Variants in BMP7 observed in about 807,000 individuals in gnomAD.
BMP7 encodes the protein osteogenic protein 1.
BMP7 carries 12 observed loss-of-function variants against 41.2 expected under a neutral mutation model. The observed-to-expected ratio is 0.29, with a 90% CI of 0.19 to 0.47. BMP7 has a LOEUF of 0.47. BMP7 is among the 20% of genes least tolerant of loss of function. BMP7 has a pLI of 0.99. For synonymous variants in BMP7, 248 were observed against 250.0 expected (o/e 0.99, Z 0.07); for missense variants, 467 against 606.0 (o/e 0.77, Z 2.41).
intron 2 of BMP7, among the ~76,000 whole-genome samples, chr20:57,220,314 G>C (rs1311880888): frequency 1.3e-5 from 2 of 152,172 alleles, no homozygotes; most frequent in African/African-American, 2.4e-5. Flanking sequence ...TTCCTGGTAA[G>C]CCTGTATTCC....
rs1215278811 is a variant in BMP7, at chr20:57,246,850, A to T, written c.419-18429T>A. 1.3e-5 allele frequency among the ~76,000 whole-genome samples: 2 copies of T among 152,058 alleles called. 1 individual carries two copies. Among genetic ancestry groups the T allele is most frequent in the Admixed American group, 1.3e-4 (2 of 15,260 alleles). The stretch of plus-strand genomic sequence containing the variant: ...CTAAAAGTACAAAAATTAGCCGGGC[A>T]TGGTGGCACGTGCCTGTACTCCCAG... On this transcript the variant is annotated intron_variant, in intron 1 of 6. Transcript: ENST00000395863.
intron 1 of BMP7, among the ~76,000 whole-genome samples, chr20:57,262,724 GC>G (rs113487639): frequency 6.6e-6 from 1 of 151,324 alleles, no homozygotes; most frequent in African/African-American, 2.4e-5. Context: ...CCTCACCCAT[GC>G]CCCCCCCGCC....
At chr20:57,218,975 A>G in intron 2 of BMP7, among the ~76,000 whole-genome samples, 1 of 131,204 alleles carries the variant, frequency 7.6e-6, no homozygotes, top group African/African-American at 2.9e-5. Flanking sequence ...GTTCAGTGAT[A>G]GCTGGTGTTT....
Position 57,209,338 on chromosome 20 carries a change from G to A in BMP7, c.612-6715C>T, listed in dbSNP as rs143191869. On this transcript the variant is annotated intron_variant, in intron 2 of 6. Transcript: ENST00000395863. The stretch of plus-strand genomic sequence containing the variant: ...TACATGCCTGTAGTCCCAGCTACTC[G>A]AGAGGCTGAGGCAGGAGAATCGCTT... 9.3e-3 allele frequency among the ~76,000 whole-genome samples: 1,367 copies of A among 146,272 alleles called. 12 individuals are homozygous for A. Among genetic ancestry groups the A allele is most frequent in the Middle Eastern group, 0.022 (6 of 268 alleles).
intron 1 of BMP7, among the ~76,000 whole-genome samples, chr20:57,263,290 G>A (rs1360901763): frequency 1.3e-5 from 2 of 152,232 alleles, no homozygotes; most frequent in African/African-American, 4.8e-5. Context: ...AGACAAGCCG[G>A]TCTTTGTCCT....
chr20:57,208,979 T>C (rs1255948001), intron 2 of BMP7, among the ~76,000 whole-genome samples: 1 of 140,790 alleles, frequency 7.1e-6, no homozygotes, highest in East Asian at 2.2e-4. Context: ...AGCCCAGGAG[T>C]TCAAGACCAG....
At chr20:57,178,238 C>T (rs1983982580) in intron 4 of BMP7, among the ~76,000 whole-genome samples, 1 of 152,192 alleles carries the variant, frequency 6.6e-6, no homozygotes. Flanking sequence ...ATGTCTGAGG[C>T]CGCTGGAGTA....
chr20:57,183,335 A>G (rs1412242664), intron 4 of BMP7, among the ~76,000 whole-genome samples: 1 of 152,192 alleles, frequency 6.6e-6, no homozygotes, highest in Non-Finnish European at 1.5e-5. Context: ...AAATAAAGAT[A>G]CAGCAAACTC....
At chr20:57,248,366 T>A (rs2066098308) in intron 1 of BMP7, among the ~76,000 whole-genome samples, 1 of 152,186 alleles carries the variant, frequency 6.6e-6, no homozygotes, top group Non-Finnish European at 1.5e-5. Flanking sequence ...GCCAGCTGCA[T>A]ACATTCACAC....
chr20:57,219,720 C>A (rs780958495), intron 2 of BMP7, among the ~76,000 whole-genome samples: 10 of 152,224 alleles, frequency 6.6e-5, no homozygotes, highest in Non-Finnish European at 1.3e-4. Flanking sequence ...TCTCCAGAAC[C>A]TCTAGCAGGA....
chr20:57,226,735 C>T (rs2066008028), intron 2 of BMP7, among the ~76,000 whole-genome samples: 1 of 152,146 alleles, frequency 6.6e-6, no homozygotes, highest in African/African-American at 2.4e-5. Context: ...GGGACCACCT[C>T]AGCAGGGGCT....
At chr20:57,198,227 C>T (rs1182871814) in intron 3 of BMP7, among the ~76,000 whole-genome samples, 4 of 150,348 alleles carry the variant, frequency 2.7e-5, no homozygotes, top group Non-Finnish European at 5.9e-5. Flanking sequence ...CCTCTCCCCT[C>T]CTCTCCTCTC....
rs150549139 is a variant in BMP7, at chr20:57,251,548, G to A, written c.418+14157C>T. On this transcript the variant is annotated intron_variant, in intron 1 of 6. Transcript: ENST00000395863. ...GGACATCCTTTAACCTACAGCTTTC[G>A]CAGACTCAGAGGAGCTCCAGTGAAC... Among the ~76,000 whole-genome samples, 425 of 152,268 alleles carry A rather than the reference G, an allele frequency of 2.8e-3. 1 individual carries two copies. Among genetic ancestry groups the A allele is most frequent in the Middle Eastern group, 0.01 (3 of 294 alleles).
intron 4 of BMP7, among the ~76,000 whole-genome samples, chr20:57,182,032 G>A (rs570166545): frequency 7.2e-4 from 109 of 152,208 alleles, no homozygotes; most frequent in Non-Finnish European, 1.3e-3. Flanking sequence ...GGCACCCCCG[G>A]GCAGCAGCTC....
At position 57,170,567 on chromosome 20, in the gene BMP7, C is replaced by T. The variant is rs1983791541; in HGVS notation, c.*392G>A. Reference sequence around the variant, plus strand: ...GTCAATTTTCCTTTCGCACAGACACCAATGTGCCCACCCCTTGCCACGCCC... The same window carrying T: ...GTCAATTTTCCTTTCGCACAGACACTAATGTGCCCACCCCTTGCCACGCCC... On this transcript the variant is annotated 3_prime_UTR_variant, in exon 7 of 7. Transcript: ENST00000395863. The T allele has an allele frequency of 6.3e-6, 2 of 315,214 alleles. No homozygotes were observed. The highest frequency in any genetic ancestry group is 1.2e-5 in the Non-Finnish European group (2 of 161,850). 19.5% of individuals were successfully genotyped at this position (315,214 alleles called of 1,614,324 possible). A position where few individuals can be genotyped will look rare whatever the true frequency, so the allele number is the denominator to read the frequency against.
At chr20:57,209,823 T>C (rs1984838293) in intron 2 of BMP7, among the ~76,000 whole-genome samples, 1 of 152,236 alleles carries the variant, frequency 6.6e-6, no homozygotes, top group South Asian at 2.1e-4. Flanking sequence ...CTAACACATG[T>C]ACGTCAATAT....
chr20:57,184,437 C>T (rs145019311), intron 3 of BMP7, among the ~76,000 whole-genome samples: 1 of 152,194 alleles, frequency 6.6e-6, no homozygotes, highest in Non-Finnish European at 1.5e-5. Flanking sequence ...GCAGAGGGAA[C>T]TGCAGAGGTG....
At chr20:57,190,275 T>C (rs1022121834) in intron 3 of BMP7, among the ~76,000 whole-genome samples, 1 of 145,148 alleles carries the variant, frequency 6.9e-6, no homozygotes, top group Non-Finnish European at 1.5e-5. Context: ...CTGGAGAGAG[T>C]GAGCCAGGAA....
intron 6 of BMP7, among the ~76,000 whole-genome samples, chr20:57,172,018 T>A (rs1009030078): frequency 6.6e-6 from 1 of 152,184 alleles, no homozygotes; most frequent in African/African-American, 2.4e-5. Context: ...CATTTCACAA[T>A]CCCTGGAGAA....
Sources: allele counts gnomAD v4.1 joint callset (sites outside exome capture counted in the v4.1 genomes callset), GRCh38; gene constraint gnomAD v4.1.1; transcripts MANE v1.5; gene names NCBI Gene and HGNC (gene_info 2026-07-23, HGNC 2026-07-21).